Variants in PBX1 observed in about 807,000 individuals in gnomAD.
The protein encoded by PBX1 is pre-B-cell leukemia transcription factor 1.
A neutral mutation model predicts 53.4 loss-of-function variants in PBX1; 6 were observed. The observed-to-expected ratio is 0.11, with a 90% CI of 0.06 to 0.22. The LOEUF (loss-of-function observed/expected upper bound fraction) is 0.22. Among genes scored for constraint, PBX1 ranks in the 10% least tolerant of loss-of-function variants. The pLI, the probability that PBX1 is intolerant of heterozygous loss-of-function variation, is 1.00. For synonymous variants in PBX1, 204 were observed against 212.3 expected, an observed-to-expected ratio of 0.96 and a Z score of 0.34; for missense variants, 251 against 551.4, an observed-to-expected ratio of 0.46 and a Z score of 5.46.
Position 164,847,740 on chromosome 1 carries a change from G to T in PBX1, c.*1064G>T, listed in dbSNP as rs1280146312. 9.5e-7 allele frequency: 1 copy of T among 1,053,122 alleles called. No individual in the cohort carries two copies. Among genetic ancestry groups the T allele is most frequent in the Non-Finnish European group, 1.1e-6 (1 of 871,744 alleles). The allele number at this position is 1,053,122 out of a possible 1,614,324, so 65.2% of individuals were successfully genotyped here. ...CTATGCCTTTTGAGCCCGAGAGAGG[G>T]AATTAGTGACTCTAAGTGAAGGTCA... On this transcript the variant is annotated 3_prime_UTR_variant, in exon 9 of 9. Transcript: ENST00000420696.
At chr1:164,836,394 C>G (rs1000544719) in intron 8 of PBX1, among the ~76,000 whole-genome samples, 1 of 152,022 alleles carries the variant, frequency 6.6e-6, no homozygotes, top group Non-Finnish European at 1.5e-5. Context: ...ATTAAAATTT[C>G]AAAAAATCAA....
chr1:164,724,903 G>A (rs74121203), intron 2 of PBX1, among the ~76,000 whole-genome samples: 6,175 of 151,714 alleles, frequency 0.041, 242 homozygotes, highest in East Asian at 0.13. Flanking sequence ...CATAACTTGC[G>A]GAGTGTTTTA....
At chr1:164,790,739 T>G (rs1477650127) in intron 2 of PBX1, among the ~76,000 whole-genome samples, 1 of 152,250 alleles carries the variant, frequency 6.6e-6, no homozygotes, top group African/African-American at 2.4e-5. Flanking sequence ...CTGAACAACG[T>G]TCAGGGTTGG....
chr1:164,860,313 A>G (rs1046358055), intron 2 of PBX1, among the ~76,000 whole-genome samples: 2 of 152,186 alleles, frequency 1.3e-5, no homozygotes, highest in African/African-American at 4.8e-5. Context: ...TGAGTTAGCA[A>G]TTGCTTTCTT....
At chr1:164,874,478 T>C (rs2102458163) in intron 2 of PBX1, among the ~76,000 whole-genome samples, 1 of 152,270 alleles carries the variant, frequency 6.6e-6, no homozygotes, top group South Asian at 2.1e-4. Flanking sequence ...ATAATTTTTG[T>C]TCGTTTGTTT....
chr1:164,848,364 A>G lies in PBX1; in HGVS notation c.*1688A>G. 1 of 1,056,866 alleles carries G rather than the reference A, an allele frequency of 9.5e-7. No individual in the cohort carries two copies. Among genetic ancestry groups the G allele is most frequent in the Non-Finnish European group, 1.1e-6 (1 of 873,986 alleles). The allele number at this position is 1,056,866 out of a possible 1,614,324, so 65.5% of individuals were successfully genotyped here. A position where few individuals can be genotyped will look rare whatever the true frequency, so the allele number is the denominator to read the frequency against. ...GTGCCTCATTTTCTTCATCTGTGAG[A>G]TGGGAACTGTTATGCCTGGCTTACT... On this transcript the variant is annotated 3_prime_UTR_variant, in exon 9 of 9. Transcript: ENST00000420696.
At chr1:164,809,052 A>G (rs16835133) in intron 5 of PBX1, among the ~76,000 whole-genome samples, 3,158 of 152,278 alleles carry the variant, frequency 0.021, 92 homozygotes, top group African/African-American at 0.062. Flanking sequence ...GATACTTGCT[A>G]CATGTTTGAG....
At chr1:164,582,577 C>A (rs1181804455) in intron 2 of PBX1, among the ~76,000 whole-genome samples, 1 of 152,056 alleles carries the variant, frequency 6.6e-6, no homozygotes, top group African/African-American at 2.4e-5. Context: ...CACATGCCAC[C>A]ACACCCAGCT....
intron 2 of PBX1, among the ~76,000 whole-genome samples, chr1:164,609,005 A>C (rs2800789): frequency 0.5 from 75,121 of 151,306 alleles, 18,740 homozygotes; most frequent in African/African-American, 0.53. Context: ...GTCTCTTTGG[A>C]GCTCCACTGT....
At chr1:164,698,126 T>C in intron 2 of PBX1, among the ~76,000 whole-genome samples, 1 of 152,114 alleles carries the variant, frequency 6.6e-6, no homozygotes, top group East Asian at 1.9e-4. Flanking sequence ...GGGCACCGAT[T>C]GTTAAGAGGG....
intron 2 of PBX1, among the ~76,000 whole-genome samples, chr1:164,624,315 C>T (rs1470002919): frequency 6.6e-6 from 1 of 152,188 alleles, no homozygotes; most frequent in African/African-American, 2.4e-5. Flanking sequence ...TATAAACCAA[C>T]AATCAAGACC....
At chr1:164,840,431 G>A in intron 8 of PBX1, among the ~76,000 whole-genome samples, 1 of 152,068 alleles carries the variant, frequency 6.6e-6, no homozygotes, top group East Asian at 1.9e-4. Flanking sequence ...TCTGTATATG[G>A]GTCTCACACC....
intron 2 of PBX1, chr1:164,683,572 T>G (rs923426): frequency 0.8 from 121,175 of 152,020 alleles, 48,689 homozygotes; most frequent in African/African-American, 0.88. Flanking sequence ...AAGTCTTTCT[T>G]CTGTATCACC....
chr1:164,829,603 AAC>A (rs1670650474), intron 8 of PBX1: 1 of 152,158 alleles, frequency 6.6e-6, no homozygotes, highest in African/African-American at 2.4e-5. Flanking sequence ...ATGGGGGAAC[AAC>A]ACACACTGGG....
chr1:164,882,850 C>T (rs543947084), intron 2 of PBX1, among the ~76,000 whole-genome samples: 2 of 152,198 alleles, frequency 1.3e-5, no homozygotes, highest in East Asian at 1.9e-4. Flanking sequence ...ACATGCTATG[C>T]TATGCTATGC....
At chr1:164,692,843 A>G (rs1662573240) in intron 2 of PBX1, among the ~76,000 whole-genome samples, 1 of 152,240 alleles carries the variant, frequency 6.6e-6, no homozygotes, top group Non-Finnish European at 1.5e-5. Flanking sequence ...AATGGGCTGC[A>G]CAGTTTTACT....
At chr1:164,570,510 C>T (rs1653770212) in intron 2 of PBX1, among the ~76,000 whole-genome samples, 1 of 152,164 alleles carries the variant, frequency 6.6e-6, no homozygotes, top group South Asian at 2.1e-4. Context: ...TTTCCAGCTT[C>T]ATCCATGTCC....
intron 2 of PBX1, among the ~76,000 whole-genome samples, chr1:164,864,006 A>C (rs1672158279): frequency 6.6e-6 from 1 of 152,188 alleles, no homozygotes. Context: ...TAATAAGAGG[A>C]ATAGTCCCCA....
At chr1:164,786,321 C>T (rs944397854) in intron 2 of PBX1, among the ~76,000 whole-genome samples, 6 of 152,174 alleles carry the variant, frequency 3.9e-5, no homozygotes, top group African/African-American at 1.2e-4. Flanking sequence ...TGTGCCCTGG[C>T]ATGTCCTGAG....
Sources: allele counts gnomAD v4.1 joint callset (sites outside exome capture counted in the v4.1 genomes callset), GRCh38; gene constraint gnomAD v4.1.1; transcripts MANE v1.5; gene names NCBI Gene and HGNC (gene_info 2026-07-23, HGNC 2026-07-21).